The following ADAMTS17 variants were observed in gnomAD, a reference collection of about 807,000 sequenced individuals.
ADAMTS17 encodes A disintegrin and metalloproteinase with thrombospondin motifs 17.
ADAMTS17 carries 113 observed loss-of-function variants against 141.5 expected under a neutral mutation model. That is an observed-to-expected ratio of 0.80 (90% confidence interval 0.69 to 0.93). ADAMTS17 has a LOEUF of 0.93. Ranked by LOEUF, ADAMTS17 falls within the 40% of genes least tolerant of loss-of-function variation. The pLI, the probability that ADAMTS17 is intolerant of heterozygous loss-of-function variation, is 0.00. For synonymous variants in ADAMTS17, 768 were observed against 630.6 expected (o/e 1.22, Z -3.27); for missense variants, 1,659 against 1,517.9 (o/e 1.09, Z -1.54).
chr15:100,288,298 GTTCAA>G (rs905164887), intron 3 of ADAMTS17, among the ~76,000 whole-genome samples: 5 of 152,122 alleles, frequency 3.3e-5, no homozygotes, highest in African/African-American at 9.7e-5. Context: ...ATGGTAAAGG[GTTCAA>G]TTCAACAAGA....
Position 100,199,320 on chromosome 15 carries a change from G to C in ADAMTS17, c.1179C>G (p.His393Gln). 1 of 1,613,680 alleles carries C rather than the reference G, an allele frequency of 6.2e-7. No homozygotes were observed. Among genetic ancestry groups the C allele is most frequent in the African/African-American group, 1.3e-5 (1 of 75,050 alleles). The change falls in exon 8 of 22, where the codon CAC (histidine) becomes CAG (glutamine). Residue 393 changes from histidine to glutamine, a missense_variant and splice_region_variant. Physicochemically the swap from His to Gln is conservative, Grantham distance 24. Transcript: ENST00000268070. Reference protein sequence around the residue: ...LAFTIAHELGHNLGMNHDDDH... With the variant: ...LAFTIAHELGQNLGMNHDDDH... ...ACGACACAGAGTCTGATACTTACTT[G>C]TGGCCCAGCTCATGGGCGATGGTAA...
chr15:100,119,513 C>G (rs771047502), intron 12 of ADAMTS17, among the ~76,000 whole-genome samples: 1 of 152,208 alleles, frequency 6.6e-6, no homozygotes, highest in South Asian at 2.1e-4. Flanking sequence ...GAGTGGTTAT[C>G]GAGCTTCCTT....
At chr15:100,123,304 A>G (rs913515279) in intron 12 of ADAMTS17, among the ~76,000 whole-genome samples, 1 of 152,232 alleles carries the variant, frequency 6.6e-6, no homozygotes, top group Non-Finnish European at 1.5e-5. Context: ...AAACACATCT[A>G]GGGAGACTAA....
chr15:100,270,827 T>C (rs768552891), intron 4 of ADAMTS17, among the ~76,000 whole-genome samples: 3 of 90,844 alleles, frequency 3.3e-5, no homozygotes, highest in Non-Finnish European at 4.6e-5. Context: ...ATTCACACTG[T>C]TATACACTAA....
At chr15:100,062,130 C>G (rs532489071) in intron 15 of ADAMTS17, among the ~76,000 whole-genome samples, 9 of 152,316 alleles carry the variant, frequency 5.9e-5, no homozygotes, top group African/African-American at 1.9e-4. Context: ...GCTGGGACAG[C>G]TGAGGAGGAG....
chr15:100,317,007 G>A (rs2045586229), intron 3 of ADAMTS17, among the ~76,000 whole-genome samples: 1 of 152,128 alleles, frequency 6.6e-6, no homozygotes, highest in Non-Finnish European at 1.5e-5. Flanking sequence ...AATAATAACA[G>A]CAATCATCAT....
At chr15:100,057,208 G>A (rs1264276387) in intron 15 of ADAMTS17, among the ~76,000 whole-genome samples, 1 of 152,146 alleles carries the variant, frequency 6.6e-6, no homozygotes, top group Non-Finnish European at 1.5e-5. Context: ...TCAGAGGTTT[G>A]GCTGGGAAAA....
At chr15:100,076,025 T>G (rs2034348795) in intron 15 of ADAMTS17, among the ~76,000 whole-genome samples, 1 of 151,988 alleles carries the variant, frequency 6.6e-6, no homozygotes, top group Non-Finnish European at 1.5e-5. Flanking sequence ...GTATCTTAGC[T>G]ATGAATTCTT....
chr15:100,036,887 C>T (rs1378042500), intron 18 of ADAMTS17, among the ~76,000 whole-genome samples: 1 of 152,166 alleles, frequency 6.6e-6, no homozygotes, highest in Non-Finnish European at 1.5e-5. Context: ...CAGGGTTTCT[C>T]TGTGCCAGAA....
intron 17 of ADAMTS17, among the ~76,000 whole-genome samples, chr15:100,050,401 G>T (rs1010727469): frequency 1.3e-5 from 2 of 152,178 alleles, no homozygotes; most frequent in African/African-American, 4.8e-5. Flanking sequence ...CGGCACAAGC[G>T]GCAGCTAAGG....
At chr15:100,238,150 C>A (rs555965065) in intron 7 of ADAMTS17, among the ~76,000 whole-genome samples, 67 of 152,350 alleles carry the variant, frequency 4.4e-4, no homozygotes, top group African/African-American at 1.5e-3. Context: ...AACCTCAACA[C>A]TTCTAATGGC....
rs149051523 is a variant in ADAMTS17 at position 100,219,509 on chromosome 15, C to G, written c.1076-20086G>C. Among the ~76,000 whole-genome samples, 527 of 152,226 alleles carry G rather than the reference C, an allele frequency of 3.5e-3. 4 individuals are homozygous for G. The highest frequency in any genetic ancestry group is 0.012 in the African/African-American group (478 of 41,530). On this transcript the variant is annotated intron_variant, in intron 7 of 21. Transcript: ENST00000268070. Reference sequence around the variant, plus strand: ...CAGGAAAATCGCCACCACTCATAACCCCATCCCTATATAATCAGAGAGCGT... The same window carrying G: ...CAGGAAAATCGCCACCACTCATAACGCCATCCCTATATAATCAGAGAGCGT...
At chr15:100,248,620 T>TG (rs1567426252) in intron 7 of ADAMTS17, among the ~76,000 whole-genome samples, 2 of 151,908 alleles carry the variant, frequency 1.3e-5, no homozygotes, top group African/African-American at 4.8e-5. Context: ...ATGTGCAGAG[T>TG]GGGGGCCACT....
At chr15:100,041,542 G>A (rs1004625713) in intron 18 of ADAMTS17, among the ~76,000 whole-genome samples, 2 of 152,234 alleles carry the variant, frequency 1.3e-5, no homozygotes, top group South Asian at 4.1e-4. Context: ...GAATGATGGG[G>A]AGGCCTCTTC....
chr15:100,165,573 T>C (rs555356432), intron 8 of ADAMTS17, among the ~76,000 whole-genome samples: 27 of 152,308 alleles, frequency 1.8e-4, no homozygotes, highest in African/African-American at 6.0e-4. Context: ...CAAACGGCCT[T>C]ATGACTTGAA....
intron 18 of ADAMTS17, among the ~76,000 whole-genome samples, chr15:100,007,432 G>A (rs1331762071): frequency 1.4e-5 from 2 of 142,458 alleles, no homozygotes; most frequent in Non-Finnish European, 3.1e-5. Context: ...TTTTTTTTTT[G>A]AGACGGAGAT....
chr15:100,152,707 G>T lies in ADAMTS17; in HGVS notation c.1378C>A (p.Arg460Ser), dbSNP rs763161481. ...VTDPRSQHTV[R>S]LPHKLPGMHY... ...ATGCCCGGCAGCTTGTGCGGGAGGC[G>T]TACTGTGTGCTGGCTTCTGGGGTCC... is the stretch of plus-strand genomic sequence containing the variant. The change falls in exon 10 of 22, where the codon CGC becomes AGC. Residue 460 changes from arginine to serine, a missense_variant. Transcript: ENST00000268070. 6.2e-7 allele frequency: 1 copy of T among 1,614,086 alleles called. No homozygotes were observed. The highest frequency in any genetic ancestry group is 1.7e-5 in the Admixed American group (1 of 60,010).
intron 3 of ADAMTS17, among the ~76,000 whole-genome samples, chr15:100,326,025 C>G (rs896054139): frequency 6.6e-6 from 1 of 152,114 alleles, no homozygotes; most frequent in Admixed American, 6.5e-5. Context: ...TGGGTCTGTG[C>G]AGCTTTGGAG....
chr15:100,307,693 TGAG>T (rs1439621614), intron 3 of ADAMTS17, among the ~76,000 whole-genome samples: 3 of 152,166 alleles, frequency 2.0e-5, no homozygotes, highest in South Asian at 2.1e-4. Context: ...GCTGAGCATT[TGAG>T]GAGGAGAAAA....
Sources: gnomAD v4.1 joint callset for allele counts (sites outside exome capture counted in the v4.1 genomes callset) on GRCh38, gnomAD v4.1.1 for gene constraint, MANE v1.5 for transcripts, NCBI Gene and HGNC (gene_info 2026-07-23, HGNC 2026-07-21) for gene names.